The following ZNF391 variants were observed in gnomAD, a reference collection of about 807,000 sequenced individuals.
ZNF391 encodes the protein zinc finger protein 391.
For missense variants in ZNF391, 375 were observed against 425.5 expected, an observed-to-expected ratio of 0.88 and a Z score of 1.04; for synonymous variants, 126 against 142.1, an observed-to-expected ratio of 0.89 and a Z score of 0.80.
intron 1 of ZNF391, among the ~76,000 whole-genome samples, chr6:27,381,917 C>A (rs540390597): frequency 6.6e-6 from 1 of 151,360 alleles, no homozygotes; most frequent in South Asian, 2.1e-4. Context: ...GCCTGTAATC[C>A]CAGCTACTCG....
At chr6:27,381,095 G>A (rs1761493940) in intron 1 of ZNF391, among the ~76,000 whole-genome samples, 1 of 152,248 alleles carries the variant, frequency 6.6e-6, no homozygotes, top group Non-Finnish European at 1.5e-5. Context: ...TGGTTGATGG[G>A]ACTGGGCACC....
At chr6:27,385,203 G>A (rs2113642403), upstream of ZNF391, among the ~76,000 whole-genome samples, 1 of 118,268 alleles carries the variant, frequency 8.5e-6, no homozygotes, top group African/African-American at 3.1e-5. Context: ...TCATATAAAG[G>A]GTTCAATTAA....
intron 1 of ZNF391, among the ~76,000 whole-genome samples, chr6:27,383,331 A>T (rs1761537394): frequency 6.6e-6 from 1 of 152,110 alleles, no homozygotes. Context: ...ATGACTGAGA[A>T]TTCTCCCAAA....
chr6:27,386,608 C>T (rs1036681254), upstream of ZNF391, among the ~76,000 whole-genome samples: 6 of 152,044 alleles, frequency 3.9e-5, no homozygotes, highest in Non-Finnish European at 7.4e-5. Context: ...CTCACATATA[C>T]GGTTGATTGA....
Position 27,400,419 on chromosome 6 carries a change from G to C in ZNF391, c.49G>C (p.Asp17His), listed in dbSNP as rs1346301140. 5 of 1,613,542 alleles carry C rather than the reference G, an allele frequency of 3.1e-6. No individual in the cohort carries two copies. In the Admixed American group the frequency reaches 5.0e-5, roughly 16 times the overall value. ...NTAQGPTNEE[D>H]YKNEGQLSRQ... ...TGCTCAGGGTCCTACAAATGAAGAA[G>C]ACTATAAAAACGAAGGCCAATTATC... Residue 17 changes from aspartate to histidine, a missense_variant, in exon 3 of 3, where the codon GAC becomes CAC. Coordinates refer to ENST00000244576, the MANE Select transcript of ZNF391 (RefSeq NM_001076781.3).
intron 2 of ZNF391, 110 bp downstream of exon 2, chr6:27,399,660 A>C (rs191151132): frequency 3.3e-5 from 5 of 152,212 alleles, no homozygotes; most frequent in Non-Finnish European, 7.3e-5. Context: ...TCTGTTTTCT[A>C]TCTGTCAGAT....
intron 1 of ZNF391, among the ~76,000 whole-genome samples, chr6:27,381,116 G>T (rs6456776): frequency 1.3e-5 from 2 of 152,102 alleles, no homozygotes; most frequent in African/African-American, 2.4e-5. Flanking sequence ...GTGGAGCAGG[G>T]GGCGGCGCTC....
chr6:27,375,694 G>C (rs899193279), intron 1 of ZNF391, among the ~76,000 whole-genome samples: 2 of 152,094 alleles, frequency 1.3e-5, no homozygotes, highest in African/African-American at 4.8e-5. Flanking sequence ...ACACTGACAG[G>C]CTGCTGCAAA....
At chr6:27,375,199 C>G (rs926243281) in intron 1 of ZNF391, 6 of 152,296 alleles carry the variant, frequency 3.9e-5, no homozygotes, top group African/African-American at 1.2e-4. Context: ...TTTACCTGTC[C>G]GAAGAGAACT....
Position 27,403,208 on chromosome 6 carries a change from G to C in ZNF391, c.*1761G>C, listed in dbSNP as rs1370817382. 1 of 152,050 alleles carries C rather than the reference G, an allele frequency of 6.6e-6. No individual in the cohort carries two copies. The highest frequency in any genetic ancestry group is 1.5e-5 in the Non-Finnish European group (1 of 68,018). The allele number at this position is 152,050 out of a possible 1,614,324, so 9.4% of individuals were successfully genotyped here. ...AAATGTAAACTTCTTTAACCTAAAG[G>C]TCTTTCATAGTTTGATCTACTTACT... On this transcript the variant is annotated 3_prime_UTR_variant, in exon 3 of 3. Coordinates refer to ENST00000244576, the MANE Select transcript of ZNF391 (RefSeq NM_001076781.3).
At position 27,401,921 on chromosome 6, in the gene ZNF391, C is replaced by G. The variant is rs1401556710; in HGVS notation, c.*474C>G. 1 of 154,616 alleles carries G rather than the reference C, an allele frequency of 6.5e-6. No individual in the cohort carries two copies. The highest frequency in any genetic ancestry group is 1.9e-4 in the East Asian group (1 of 5,238). 9.6% of individuals were successfully genotyped at this position (154,616 alleles called of 1,614,324 possible). ...TCCTGTGTGTGTGTCTTCATACTTG[C>G]TGGCTCTAGTACCAGAAGAGAGGGA... On this transcript the variant is annotated 3_prime_UTR_variant, in exon 3 of 3. Transcript: ENST00000244576.
At chr6:27,375,434 G>T (rs181535766) in intron 1 of ZNF391, among the ~76,000 whole-genome samples, 3 of 152,256 alleles carry the variant, frequency 2.0e-5, no homozygotes, top group Admixed American at 6.5e-5. Flanking sequence ...AAGTTCCTCT[G>T]CATTACATCA....
At chr6:27,391,990 T>C (rs921540488) in intron 1 of ZNF391, among the ~76,000 whole-genome samples, 2 of 152,208 alleles carry the variant, frequency 1.3e-5, no homozygotes, top group African/African-American at 4.8e-5. Flanking sequence ...CAGATGGCTA[T>C]GTGCCTCAAA....
chr6:27,381,512 A>C (rs1018143914), intron 1 of ZNF391, among the ~76,000 whole-genome samples: 16 of 152,246 alleles, frequency 1.1e-4, no homozygotes, highest in Middle Eastern at 3.2e-3. Context: ...CCCACAGTGC[A>C]GCGGCGGGCT....
intron 1 of ZNF391, among the ~76,000 whole-genome samples, chr6:27,378,274 A>G (rs1392848323): frequency 6.6e-6 from 1 of 152,214 alleles, no homozygotes; most frequent in African/African-American, 2.4e-5. Context: ...GTCAGTGTGA[A>G]GAGACCACTA....
intron 1 of ZNF391, among the ~76,000 whole-genome samples, chr6:27,381,364 C>G (rs1307705643): frequency 6.6e-6 from 1 of 152,236 alleles, no homozygotes; most frequent in Admixed American, 6.5e-5. Flanking sequence ...CGGGGCCCAC[C>G]AAGCCCACGC....
At position 27,374,765 on chromosome 6, in the gene ZNF391, T is replaced by G. The variant is rs1761386743; in HGVS notation, n.151T>G. On this transcript the variant is annotated non_coding_transcript_exon_variant, in exon 1 of 3. Coordinates refer to the ZNF391 transcript ENST00000477999. The surrounding 1 kb of genome is among the most constrained non-coding windows in gnomAD (Gnocchi z 5.3). ...TGGAGGCCGGGCTGAGCCCGGAATT[T>G]TATGACCAGCGCCCGCTGGCCGTCG... 1 of 152,188 alleles carries G rather than the reference T, an allele frequency of 6.6e-6. No individual in the cohort carries two copies. Among genetic ancestry groups the G allele is most frequent in the Admixed American group, 6.5e-5 (1 of 15,284 alleles). The allele number at this position is 152,188 out of a possible 1,614,324, so 9.4% of individuals were successfully genotyped here.
intron 1 of ZNF391, among the ~76,000 whole-genome samples, chr6:27,395,820 T>G (rs1054222684): frequency 6.6e-6 from 1 of 152,184 alleles, no homozygotes; most frequent in Non-Finnish European, 1.5e-5. Context: ...GGTTTCATAA[T>G]GCCTCCAAAA....
intron 1 of ZNF391, among the ~76,000 whole-genome samples, chr6:27,383,035 G>T (rs887863520): frequency 6.6e-6 from 1 of 151,942 alleles, no homozygotes; most frequent in Non-Finnish European, 1.5e-5. Context: ...CAGGAGAAGC[G>T]CTTGAACACA....
Sources: allele counts gnomAD v4.1 joint callset (sites outside exome capture counted in the v4.1 genomes callset), GRCh38; gene constraint gnomAD v4.1.1; non-coding constraint Gnocchi (gnomAD v3.1); transcripts MANE v1.5; gene names NCBI Gene and HGNC (gene_info 2026-07-23, HGNC 2026-07-21).